Variants in PHACTR3 observed in about 807,000 individuals in gnomAD.
PHACTR3 encodes the protein phosphatase and actin regulator 3, also known as protein phosphatase 1, regulatory subunit 123.
PHACTR3 carries 16 observed loss-of-function variants against 66.8 expected under a neutral mutation model. The observed-to-expected ratio is 0.24, with a 90% CI of 0.16 to 0.36. The LOEUF is 0.36. Among genes scored for constraint, PHACTR3 ranks in the 10% least tolerant of loss-of-function variants. The pLI is 1.00. For missense variants in PHACTR3, 647 were observed against 719.9 expected, an observed-to-expected ratio of 0.90 and a Z score of 1.16; for synonymous variants, 323 against 292.1, an observed-to-expected ratio of 1.11 and a Z score of -1.08.
intron 4 of PHACTR3, among the ~76,000 whole-genome samples, chr20:59,762,556 G>A (rs900458691): frequency 6.6e-6 from 1 of 152,232 alleles, no homozygotes; most frequent in African/African-American, 2.4e-5. Context: ...GGGTAGTACC[G>A]AGGGTCAGGG....
chr20:59,628,589 T>C, intron 1 of PHACTR3: 1 of 984,132 alleles, frequency 1.0e-6, no homozygotes, highest in Non-Finnish European at 1.2e-6. Context: ...TCTCCCCGAG[T>C]TCTGTTTGAC....
intron 1 of PHACTR3, among the ~76,000 whole-genome samples, chr20:59,714,067 T>A (rs561103438): frequency 1.3e-5 from 2 of 152,336 alleles, no homozygotes; most frequent in African/African-American, 4.8e-5. Context: ...ATGAAGTACC[T>A]GTTGAGTTTT....
chr20:59,666,376 A>T (rs569853006), intron 1 of PHACTR3, among the ~76,000 whole-genome samples: 1 of 152,160 alleles, frequency 6.6e-6, no homozygotes, highest in South Asian at 2.1e-4. Context: ...ATAGGGTTGG[A>T]CATAGCATCA....
chr20:59,845,467 G>A (rs1471196062), intron 12 of PHACTR3, among the ~76,000 whole-genome samples: 3 of 152,070 alleles, frequency 2.0e-5, no homozygotes, highest in Non-Finnish European at 2.9e-5. Context: ...AAGGTGATAT[G>A]TATGGTAACA....
intron 1 of PHACTR3, among the ~76,000 whole-genome samples, chr20:59,595,244 C>T (rs549839611): frequency 1.2e-3 from 185 of 152,166 alleles, no homozygotes; most frequent in African/African-American, 4.2e-3. Flanking sequence ...GGGTGGATCA[C>T]GAGGTCAGGA....
In PHACTR3 at chr20:59,840,401, A is replaced by C; in HGVS notation, c.1417A>C (p.Arg473=). The C allele has an allele frequency of 6.2e-7, 1 of 1,613,216 alleles. No homozygotes were observed. The highest frequency in any genetic ancestry group is 8.5e-7 in the Non-Finnish European group (1 of 1,179,310). ...RNDQTEQEER[R]EIKQRLTRKL... Reference sequence around the variant, plus strand: ...TGATCAGACAGAGCAGGAAGAAAGAAGAGAAATCAAGCAAAGATTGACAAG... The same window carrying C: ...TGATCAGACAGAGCAGGAAGAAAGACGAGAAATCAAGCAAAGATTGACAAG... Residue 473 remains arginine (R), a synonymous_variant, in exon 10 of 13, where the codon AGA becomes CGA. Transcript: ENST00000371015.
Position 59,685,011 on chromosome 20 carries a change from G to A in PHACTR3, c.119-58096G>A, listed in dbSNP as rs538595261. Reference sequence around the variant, plus strand: ...GCTTCTGCAGGTCCCTTGGTCTGGCGTGTCCTCCCCACTCTTCCTGAGTTC... The same window carrying A: ...GCTTCTGCAGGTCCCTTGGTCTGGCATGTCCTCCCCACTCTTCCTGAGTTC... On this transcript the variant is annotated intron_variant, in intron 1 of 12. Coordinates refer to ENST00000371015, the MANE Select transcript of PHACTR3 (RefSeq NM_080672.5). Among the ~76,000 whole-genome samples, 128 of 152,222 alleles carry A rather than the reference G, an allele frequency of 8.4e-4. 1 individual carries two copies. The highest frequency in any genetic ancestry group is 7.1e-3 in the South Asian group (34 of 4,816).
At chr20:59,794,461 G>A (rs564186807) in intron 7 of PHACTR3, among the ~76,000 whole-genome samples, 43 of 152,010 alleles carry the variant, frequency 2.8e-4, no homozygotes, top group African/African-American at 9.4e-4. Flanking sequence ...ATTTTGTTGA[G>A]GATTTTTATA....
chr20:59,691,279 T>C (rs2037097882), intron 1 of PHACTR3, among the ~76,000 whole-genome samples: 1 of 152,232 alleles, frequency 6.6e-6, no homozygotes, highest in Non-Finnish European at 1.5e-5. Flanking sequence ...TTTTACTCTT[T>C]ATGCTTTCAT....
At chr20:59,723,066 CTT>C (rs767257146) in intron 1 of PHACTR3, among the ~76,000 whole-genome samples, 6 of 85,062 alleles carry the variant, frequency 7.1e-5, no homozygotes, top group South Asian at 3.5e-4. Flanking sequence ...CTTTCTCTTT[CTT>C]TCTTTCTTTC....
At chr20:59,701,927 T>C (rs553769333) in intron 1 of PHACTR3, among the ~76,000 whole-genome samples, 2 of 152,372 alleles carry the variant, frequency 1.3e-5, no homozygotes, top group Admixed American at 1.3e-4. Flanking sequence ...GGTTTTGTCT[T>C]TTCCAAGATG....
intron 1 of PHACTR3, among the ~76,000 whole-genome samples, chr20:59,589,710 C>T (rs960880205): frequency 2.0e-5 from 3 of 152,162 alleles, no homozygotes; most frequent in African/African-American, 7.2e-5. Flanking sequence ...AGGAAACGTC[C>T]ACATTGAACT....
intron 1 of PHACTR3, among the ~76,000 whole-genome samples, chr20:59,630,854 C>G (rs942761843): frequency 4.6e-5 from 7 of 151,764 alleles, no homozygotes; most frequent in African/African-American, 1.7e-4. Flanking sequence ...TTAGGCTTAT[C>G]AAGGAAGCTC....
At chr20:59,638,437 G>A (rs2034971249) in intron 1 of PHACTR3, among the ~76,000 whole-genome samples, 1 of 151,296 alleles carries the variant, frequency 6.6e-6, no homozygotes, top group Non-Finnish European at 1.5e-5. Context: ...ATGGATGATG[G>A]CTAAGTAGAT....
At chr20:59,767,064 G>T in intron 4 of PHACTR3, 122 bp from the exon 5 acceptor site, 1 of 868,526 alleles carries the variant, frequency 1.2e-6, no homozygotes, top group Non-Finnish European at 1.8e-6. Flanking sequence ...GTGCCTGTGT[G>T]AGGTCACTGC....
At chr20:59,662,181 C>T (rs115499465) in intron 1 of PHACTR3, among the ~76,000 whole-genome samples, 1,869 of 152,246 alleles carry the variant, frequency 0.012, 33 homozygotes, top group African/African-American at 0.042. Flanking sequence ...AACAAGAGGC[C>T]GGTCTCACCC....
intron 1 of PHACTR3, among the ~76,000 whole-genome samples, chr20:59,619,345 A>G (rs1263504224): frequency 1.3e-5 from 2 of 152,110 alleles, no homozygotes; most frequent in Non-Finnish European, 2.9e-5. Context: ...TGGTTTGAAG[A>G]TGGAGGGGAC....
At chr20:59,718,332 C>G (rs2038171701) in intron 1 of PHACTR3, among the ~76,000 whole-genome samples, 1 of 152,198 alleles carries the variant, frequency 6.6e-6, no homozygotes, top group African/African-American at 2.4e-5. Flanking sequence ...TGCTGCCCAG[C>G]CCATCATTTC....
chr20:59,666,827 A>G (rs1011027300), intron 1 of PHACTR3, among the ~76,000 whole-genome samples: 2 of 152,264 alleles, frequency 1.3e-5, no homozygotes, highest in African/African-American at 2.4e-5. Context: ...CCTGAGATCC[A>G]GAGAAGTCCC....
Sources: gnomAD v4.1 joint callset for allele counts (sites outside exome capture counted in the v4.1 genomes callset) on GRCh38, gnomAD v4.1.1 for gene constraint, MANE v1.5 for transcripts, NCBI Gene and HGNC (gene_info 2026-07-23, HGNC 2026-07-21) for gene names.